DIP2A: variants seen among roughly 807,000 people sequenced by gnomAD.
DIP2A encodes the protein disco-interacting protein 2 homolog A.
A neutral mutation model predicts 177.4 loss-of-function variants in DIP2A; 85 were observed. That is an observed-to-expected ratio of 0.48 (90% CI 0.40 to 0.57). DIP2A has a LOEUF of 0.57. DIP2A is among the 20% of genes least tolerant of loss of function. DIP2A has a pLI of 0.00. For missense variants in DIP2A, 1,791 were observed against 2,100.2 expected, an observed-to-expected ratio of 0.85 and a Z score of 2.88; for synonymous variants, 886 against 881.8, an observed-to-expected ratio of 1.00 and a Z score of -0.08.
Position 46,551,903 on chromosome 21 carries a change from A to G in DIP2A, c.3029A>G (p.Lys1010Arg). Reference sequence around the variant, plus strand: ...CCGCTGTTCTTGCTGCTGAACGCCAAGGTGAGGCAGTGTCACGCCCACGGG... The same window carrying G: ...CCGCTGTTCTTGCTGCTGAACGCCAGGGTGAGGCAGTGTCACGCCCACGGG... ...DHPLFLLLNA[K>R]GTVTSTATCV... The change falls in exon 25 of 38, where the codon AAG becomes AGG. Residue 1010 changes from lysine (K) to arginine (R), a missense_variant and splice_region_variant. Physicochemically the swap from Lys to Arg is conservative, Grantham distance 26 (BLOSUM62 2). Transcript: ENST00000417564. 2 of 1,601,114 alleles carry G rather than the reference A, an allele frequency of 1.2e-6. No individual in the cohort carries two copies. Among genetic ancestry groups the G allele is most frequent in the Non-Finnish European group, 8.5e-7 (1 of 1,174,814 alleles).
chr21:46,497,410 G>A (rs2057417572), intron 4 of DIP2A, among the ~76,000 whole-genome samples: 1 of 152,126 alleles, frequency 6.6e-6, no homozygotes. Context: ...ACTAAGAGGA[G>A]CCTAAAATAA....
At position 46,564,600 on chromosome 21, in the gene DIP2A, A is replaced by G. The variant is rs1054783704; in HGVS notation, c.4164+668A>G. 1.3e-5 allele frequency among the ~76,000 whole-genome samples: 2 copies of G among 152,212 alleles called. 1 individual carries two copies. Among genetic ancestry groups the G allele is most frequent in the Admixed American group, 1.3e-4 (2 of 15,284 alleles). ...TGGGAGCATAAGGACTCACGTTCCT[A>G]GTCCTATCCTCTTGGGGAATGTGCT... On this transcript the variant is annotated intron_variant, in intron 35 of 37. Coordinates refer to ENST00000417564, the MANE Select transcript of DIP2A (RefSeq NM_015151.4).
rs933172507 is a variant in DIP2A, at chr21:46,498,406, A to G, written c.404-176A>G. On this transcript the variant is annotated intron_variant, in intron 4 of 37. Coordinates refer to ENST00000417564, the MANE Select transcript of DIP2A (RefSeq NM_015151.4). The surrounding 1 kb of genome is among the most constrained non-coding windows in gnomAD (Gnocchi z 4.3). ...TTTTCCCCACAGTAGGGCTTCTTGC[A>G]TGCCCTTCTAGATTGAGGGTGACCT... is the stretch of plus-strand genomic sequence containing the variant. Among the ~76,000 whole-genome samples, 2 of 152,114 alleles carry G rather than the reference A, an allele frequency of 1.3e-5. No individual in the cohort carries two copies. Among genetic ancestry groups the G allele is most frequent in the Middle Eastern group, 3.2e-3 (1 of 316 alleles).
intron 5 of DIP2A, among the ~76,000 whole-genome samples, chr21:46,500,018 T>C (rs1246042370): frequency 6.6e-6 from 1 of 152,178 alleles, no homozygotes; most frequent in Non-Finnish European, 1.5e-5. Context: ...GAGCTCTTTT[T>C]TGTAAGACCT....
chr21:46,494,824 CA>C (rs1240065248), intron 3 of DIP2A, among the ~76,000 whole-genome samples: 3 of 152,172 alleles, frequency 2.0e-5, no homozygotes, highest in Non-Finnish European at 4.4e-5. Flanking sequence ...GGAATCTCTT[CA>C]AATTGGCTCG....
the DIP2A span, among the ~76,000 whole-genome samples, chr21:46,575,457 T>C: frequency 6.6e-6 from 1 of 152,090 alleles, no homozygotes; most frequent in Non-Finnish European, 1.5e-5. Flanking sequence ...GGATTCTAAA[T>C]TGGAAAGAAA....
At position 46,557,437 on chromosome 21, in the gene DIP2A, G is replaced by A; in HGVS notation, c.3630-148G>A. 1 of 1,032,352 alleles carries A rather than the reference G, an allele frequency of 9.7e-7. No homozygotes were observed. 63.9% of individuals were successfully genotyped at this position (1,032,352 alleles called of 1,614,324 possible). On this transcript the variant is annotated intron_variant, in intron 30 of 37. Transcript: ENST00000417564. The surrounding 1 kb of genome is among the most constrained non-coding windows in gnomAD (Gnocchi z 6.0). ...TCCCCCAACCTTCACCCTGTGGCATGTTTTCCACCAAACCCCCCCACTTGG... is the reference window on the plus strand; with the variant it reads ...TCCCCCAACCTTCACCCTGTGGCATATTTTCCACCAAACCCCCCCACTTGG...
Position 46,481,897 on chromosome 21 carries a change from A to G in DIP2A, c.92-2860A>G, listed in dbSNP as rs377254974. Reference sequence around the variant, plus strand: ...GAAACCCCATCTCTACTAAAAATACAAAAATTAGCCAGGCGTGGTGGCGCA... The same window carrying G: ...GAAACCCCATCTCTACTAAAAATACGAAAATTAGCCAGGCGTGGTGGCGCA... On this transcript the variant is annotated intron_variant, in intron 1 of 37. Coordinates refer to ENST00000417564, the MANE Select transcript of DIP2A (RefSeq NM_015151.4). 7.2e-5 allele frequency among the ~76,000 whole-genome samples: 11 copies of G among 152,198 alleles called. No homozygotes were observed. In the East Asian group the frequency reaches 2.1e-3, roughly 29 times the overall value.
intron 16 of DIP2A, chr21:46,539,303 A>G (rs959521293): frequency 6.0e-5 from 10 of 167,680 alleles, no homozygotes; most frequent in Non-Finnish European, 3.9e-5. Context: ...ACTACCCTGC[A>G]TCAGAAGCTG....
intron 32 of DIP2A, chr21:46,559,103 A>C (rs1367394241): frequency 1.3e-5 from 2 of 148,768 alleles, no homozygotes; most frequent in Non-Finnish European, 3.0e-5. Flanking sequence ...TCTCAAAAAA[A>C]AAAAAAAAAA....
At chr21:46,489,195 T>C (rs2056868723) in intron 2 of DIP2A, among the ~76,000 whole-genome samples, 1 of 152,166 alleles carries the variant, frequency 6.6e-6, no homozygotes, top group African/African-American at 2.4e-5. Flanking sequence ...CTGTAGAGAG[T>C]GTTCCCATTC....
At chr21:46,534,447 C>G in intron 12 of DIP2A, 138 bp from the exon 13 acceptor site, 1 of 833,210 alleles carries the variant, frequency 1.2e-6, no homozygotes, top group Non-Finnish European at 1.9e-6. Flanking sequence ...TGCCATGTAC[C>G]TGGGCTGCTG....
chr21:46,541,725 C>T, intron 17 of DIP2A, 31 bp from the exon 18 acceptor site: 2 of 1,613,348 alleles, frequency 1.2e-6, no homozygotes, highest in Middle Eastern at 3.3e-4. Context: ...TCCCCCTCGT[C>T]AGTTAAACCC....
At chr21:46,474,765 G>C (rs993568530) in intron 1 of DIP2A, among the ~76,000 whole-genome samples, 1 of 152,204 alleles carries the variant, frequency 6.6e-6, no homozygotes. Flanking sequence ...CTATAGCTGC[G>C]CACCCCCACA....
chr21:46,575,572 A>G, the DIP2A span, among the ~76,000 whole-genome samples: 2 of 152,230 alleles, frequency 1.3e-5, no homozygotes, highest in Admixed American at 1.3e-4. Flanking sequence ...AGCAGGATAC[A>G]AGGTCAACAC....
intron 10 of DIP2A, among the ~76,000 whole-genome samples, chr21:46,533,086 A>G (rs755014245): frequency 1.3e-5 from 2 of 152,238 alleles, no homozygotes; most frequent in Non-Finnish European, 2.9e-5. Context: ...TGAGGGACAC[A>G]GAAGACTTGG....
intron 1 of DIP2A, among the ~76,000 whole-genome samples, chr21:46,459,810 C>T (rs528028097): frequency 6.6e-6 from 1 of 152,252 alleles, no homozygotes; most frequent in East Asian, 1.9e-4. Flanking sequence ...TTTCCCTATC[C>T]CCAGCTGCTC....
intron 1 of DIP2A, among the ~76,000 whole-genome samples, chr21:46,469,560 AGGGCATAATCCACTGAT>A (rs974393341): frequency 5.5e-4 from 84 of 152,312 alleles, no homozygotes; most frequent in African/African-American, 2.0e-3. Flanking sequence ...GGGGCCCATG[AGGGCATAATCCACTGAT>A]GGCCTCATCG....
intron 6 of DIP2A, among the ~76,000 whole-genome samples, chr21:46,506,699 TA>T (rs1187357836): frequency 7.1e-6 from 1 of 141,006 alleles, no homozygotes; most frequent in African/African-American, 2.7e-5. Flanking sequence ...ACTTTTGGCC[TA>T]TTTTTTTTTT....
Sources: allele counts gnomAD v4.1 joint callset (sites outside exome capture counted in the v4.1 genomes callset), GRCh38; gene constraint gnomAD v4.1.1; non-coding constraint Gnocchi (gnomAD v3.1); transcripts MANE v1.5; gene names NCBI Gene and HGNC (gene_info 2026-07-23, HGNC 2026-07-21).